Variants in OTOA observed in about 807,000 individuals in gnomAD.
OTOA encodes the protein otoancorin.
OTOA carries 70 observed loss-of-function variants against 110.8 expected under a neutral mutation model. The ratio of observed to expected loss-of-function variants is 0.63; its 90% CI spans 0.52 to 0.77. The LOEUF is 0.77. Ranked by LOEUF, OTOA falls within the 30% of genes least tolerant of loss-of-function variation. OTOA has a pLI of 0.00. For missense variants in OTOA, 917 were observed against 1,075.8 expected (o/e 0.85, Z 2.06); for synonymous variants, 373 against 431.5 (o/e 0.86, Z 1.68).
At chr16:21,712,271 A>C (rs535406511) in intron 13 of OTOA, among the ~76,000 whole-genome samples, 1 of 152,158 alleles carries the variant, frequency 6.6e-6, no homozygotes, top group Admixed American at 6.6e-5. Flanking sequence ...AGGAGGTTGC[A>C]GTGAGCCGAG....
chr16:21,670,250 A>G (rs530133087), intron 1 of OTOA, among the ~76,000 whole-genome samples: 1 of 151,190 alleles, frequency 6.6e-6, no homozygotes, highest in East Asian at 1.9e-4. Context: ...GACCCTACTC[A>G]CTCTGGCCCT....
intron 21 of OTOA, among the ~76,000 whole-genome samples, chr16:21,732,465 TA>T: frequency 6.6e-6 from 1 of 152,210 alleles, no homozygotes; most frequent in South Asian, 2.1e-4. Flanking sequence ...AACATATTTG[TA>T]GTCTTTTATC....
At chr16:21,729,622 C>T (rs604009) in intron 20 of OTOA, 25 of 151,582 alleles carry the variant, frequency 1.6e-4, no homozygotes, top group East Asian at 6.1e-4. Flanking sequence ...TAGTATCATA[C>T]GGAGTATTTT....
At chr16:21,677,394 G>A (rs755910138) in intron 1 of OTOA, among the ~76,000 whole-genome samples, 1 of 151,414 alleles carries the variant, frequency 6.6e-6, no homozygotes, top group Non-Finnish European at 1.5e-5. Flanking sequence ...AGTTTAATTT[G>A]CTAGTTCTTG....
At chr16:21,692,601 G>A (rs1333407719) in intron 9 of OTOA, among the ~76,000 whole-genome samples, 1 of 151,986 alleles carries the variant, frequency 6.6e-6, no homozygotes, top group Non-Finnish European at 1.5e-5. Flanking sequence ...GGATGTGAAT[G>A]TACTTACTCC....
chr16:21,666,614 A>T (rs1966840617), intron 1 of OTOA, among the ~76,000 whole-genome samples: 1 of 152,066 alleles, frequency 6.6e-6, no homozygotes, highest in Non-Finnish European at 1.5e-5. Context: ...AATTGTCTTC[A>T]TTTCAGGTTT....
intron 13 of OTOA, among the ~76,000 whole-genome samples, chr16:21,711,700 C>T (rs1468274993): frequency 2.6e-5 from 4 of 152,076 alleles, no homozygotes; most frequent in African/African-American, 9.7e-5. Context: ...AACTCCAGAC[C>T]TTGTAATCCG....
chr16:21,758,899 G>A (rs1900079102), intron 28 of OTOA, among the ~76,000 whole-genome samples: 1 of 151,786 alleles, frequency 6.6e-6, no homozygotes, highest in Non-Finnish European at 1.5e-5. Flanking sequence ...CTATTCGGGA[G>A]GCTAAGGCAG....
At chr16:21,710,565 G>T (rs1898325284) in intron 13 of OTOA, among the ~76,000 whole-genome samples, 1 of 152,122 alleles carries the variant, frequency 6.6e-6, no homozygotes, top group Non-Finnish European at 1.5e-5. Context: ...CACACAGCAG[G>T]GGGCAACCAA....
chr16:21,715,918 T>C (rs1898539902), intron 14 of OTOA, among the ~76,000 whole-genome samples: 4 of 152,034 alleles, frequency 2.6e-5, no homozygotes, highest in Admixed American at 2.6e-4. Flanking sequence ...TGTTTTTTTG[T>C]TTGTTTGTTT....
chr16:21,666,246 T>TTG (rs1966840150), intron 1 of OTOA, among the ~76,000 whole-genome samples: 1 of 149,772 alleles, frequency 6.7e-6, no homozygotes, highest in South Asian at 2.1e-4. Flanking sequence ...AAATGGCATT[T>TTG]TTTTTTTTTT....
chr16:21,691,777 T>G (rs1244377742), intron 9 of OTOA, 90 bp downstream of exon 9: 1 of 1,221,728 alleles, frequency 8.2e-7, no homozygotes, highest in African/African-American at 1.5e-5. Context: ...GATTTGATGT[T>G]GTTCTCTTCT....
At chr16:21,721,436 A>G (rs1211350678) in intron 17 of OTOA, 2 of 455,960 alleles carry the variant, frequency 4.4e-6, no homozygotes, top group African/African-American at 4.0e-5. Context: ...TCTAGTGGGT[A>G]GAGGCCAGGG....
chr16:21,752,020 C>T lies in OTOA; in HGVS notation c.2861C>T (p.Ala954Val), dbSNP rs1250693747. The T allele has an allele frequency of 2.6e-5, 10 of 378,292 alleles. No homozygotes were observed. Among genetic ancestry groups the T allele is most frequent in the South Asian group, 2.4e-4 (10 of 40,994 alleles). The allele number at this position is 378,292 out of a possible 1,614,324, so 23.4% of individuals were successfully genotyped here. Residue 954 changes from alanine (A) to valine (V), a missense_variant, in exon 25 of 29, where the codon GCA becomes GTA. Physicochemically the swap from Ala to Val is moderately conservative, Grantham distance 64. Around this residue, in one of 6 missense-constraint regions of OTOA, gnomAD observed 57 missense variants for 59.7 expected, o/e 0.96. Transcript: ENST00000646100. ...LKSFHLVGLGATLCAINITEI... is the reference protein window; with the variant it reads ...LKSFHLVGLGVTLCAINITEI... The stretch of plus-strand genomic sequence containing the variant: ...AGCTTTCATTTGGTAGGACTTGGTG[C>T]AACCCTGTGTGCTATAAACATCACT...
intron 14 of OTOA, among the ~76,000 whole-genome samples, chr16:21,716,444 T>G (rs1178564130): frequency 6.6e-6 from 1 of 151,822 alleles, no homozygotes; most frequent in African/African-American, 2.4e-5. Flanking sequence ...GGTAGTGCAC[T>G]TCTGTAGTCC....
intron 18 of OTOA, among the ~76,000 whole-genome samples, chr16:21,726,288 G>A (rs1049585810): frequency 6.6e-6 from 1 of 151,776 alleles, no homozygotes; most frequent in African/African-American, 2.4e-5. Flanking sequence ...ATGATGGGAA[G>A]TTTGTTGCCC....
chr16:21,760,124 T>C (rs539431891), intron 28 of OTOA, among the ~76,000 whole-genome samples: 798 of 151,984 alleles, frequency 5.3e-3, no homozygotes, highest in African/African-American at 0.018. Context: ...CCCTAATCTT[T>C]TCTTTCCTAA....
chr16:21,734,356 A>G (rs1409729082), intron 21 of OTOA, among the ~76,000 whole-genome samples: 1 of 149,408 alleles, frequency 6.7e-6, no homozygotes, highest in African/African-American at 2.4e-5. Context: ...AACAGCAGAT[A>G]CTGGGGCCTA....
At chr16:21,675,587 T>C (rs1343407906) in intron 1 of OTOA, among the ~76,000 whole-genome samples, 1 of 152,082 alleles carries the variant, frequency 6.6e-6, no homozygotes, top group Non-Finnish European at 1.5e-5. Flanking sequence ...CATTTTACTT[T>C]GGATAATTTA....
Sources: gnomAD v4.1 joint callset for allele counts (sites outside exome capture counted in the v4.1 genomes callset) on GRCh38, gnomAD v4.1.1 for gene constraint, gnomAD v4.1.1 regional missense constraint, MANE v1.5 for transcripts, NCBI Gene and HGNC (gene_info 2026-07-23, HGNC 2026-07-21) for gene names.